Variants in ECPAS observed in about 807,000 individuals in gnomAD.
The protein encoded by ECPAS is proteasome adapter and scaffold protein ECM29.
Under a neutral mutation model 255.1 loss-of-function variants are expected in ECPAS, and 70 were observed. The ratio of observed to expected loss-of-function variants is 0.27; its 90% CI spans 0.23 to 0.33. The LOEUF (loss-of-function observed/expected upper bound fraction) is 0.33. Among genes scored for constraint, ECPAS ranks in the 10% least tolerant of loss-of-function variants. The pLI is 1.00. For synonymous variants in ECPAS, 784 were observed against 775.0 expected, an observed-to-expected ratio of 1.01 and a Z score of -0.19; for missense variants, 1,817 against 2,206.4, an observed-to-expected ratio of 0.82 and a Z score of 3.54.
At chr9:111,384,124 T>G (rs2098144093) in intron 34 of ECPAS, among the ~76,000 whole-genome samples, 1 of 152,134 alleles carries the variant, frequency 6.6e-6, no homozygotes, top group Admixed American at 6.5e-5. Context: ...GAATGTAAAG[T>G]TCCTGATATA....
intron 24 of ECPAS, among the ~76,000 whole-genome samples, chr9:111,398,077 C>T (rs575878186): frequency 6.6e-6 from 1 of 152,272 alleles, no homozygotes; most frequent in South Asian, 2.1e-4. Flanking sequence ...AGGGAATGAA[C>T]AGACAGCATG....
At position 111,422,051 on chromosome 9, in the gene ECPAS, G is replaced by T; in HGVS notation, c.1333-8C>A. 1 of 1,613,546 alleles carries T rather than the reference G, an allele frequency of 6.2e-7. No individual in the cohort carries two copies. Among genetic ancestry groups the T allele is most frequent in the Non-Finnish European group, 8.5e-7 (1 of 1,179,708 alleles). On this transcript the variant is annotated splice_region_variant and splice_polypyrimidine_tract_variant and intron_variant, in intron 14 of 49. Transcript: ENST00000684092. ...TCGAGTCTCAGGCTCTTCCTATAAA[G>T]ATGATAAAAATGTTTCCCTCCTTGT...
intron 33 of ECPAS, 142 bp downstream of exon 33, chr9:111,385,195 A>C (rs1270904737): frequency 9.0e-6 from 5 of 555,248 alleles, no homozygotes; most frequent in Non-Finnish European, 1.6e-5. Flanking sequence ...CTTCACAGAC[A>C]CATTAAGACT....
At position 111,433,346 on chromosome 9, in the gene ECPAS, T is replaced by A; in HGVS notation, c.735A>T (p.Ile245=). The A allele has an allele frequency of 6.2e-7, 1 of 1,613,982 alleles. No homozygotes were observed. Among genetic ancestry groups the A allele is most frequent in the South Asian group, 1.1e-5 (1 of 91,076 alleles). The change falls in exon 8 of 50, where the codon ATA becomes ATT. Residue 245 remains isoleucine, a synonymous_variant. Transcript: ENST00000684092. ...EQCKLGIVKF[I]EAEQVPELEA... ...CAAGTTCAGGCACCTGTTCAGCTTC[T>A]ATGAATTTCACGATTCCCAATTTGC... is the stretch of plus-strand genomic sequence containing the variant.
At chr9:111,395,301 A>T (rs1371922316) in intron 25 of ECPAS, among the ~76,000 whole-genome samples, 1 of 152,166 alleles carries the variant, frequency 6.6e-6, no homozygotes, top group East Asian at 1.9e-4. Context: ...AAGACGGCTA[A>T]GACCTGGGCC....
chr9:111,417,233 C>G (rs1463388893), intron 17 of ECPAS, among the ~76,000 whole-genome samples: 1 of 151,004 alleles, frequency 6.6e-6, no homozygotes, highest in East Asian at 1.9e-4. Flanking sequence ...GAGCAAGACC[C>G]TGTCTCAAAA....
chr9:111,412,929 GA>G (rs1412474061), intron 20 of ECPAS, among the ~76,000 whole-genome samples: 1 of 151,606 alleles, frequency 6.6e-6, no homozygotes, highest in African/African-American at 2.4e-5. Context: ...TGGAGATACA[GA>G]AAACTGTATG....
chr9:111,440,976 C>T (rs2098245017), intron 5 of ECPAS, among the ~76,000 whole-genome samples: 1 of 151,484 alleles, frequency 6.6e-6, no homozygotes, highest in Non-Finnish European at 1.5e-5. Context: ...CATGGTGAAA[C>T]CCCGTCTCTA....
At chr9:111,393,844 A>T in intron 26 of ECPAS, 110 bp from the exon 27 acceptor site, 2 of 822,132 alleles carry the variant, frequency 2.4e-6, no homozygotes, top group Non-Finnish European at 3.9e-6. Context: ...CAAGCCAGTT[A>T]CAATCGCTGT....
chr9:111,362,229 C>T (rs530164373), intron 49 of ECPAS, 60 bp from the exon 50 acceptor site: 552 of 1,393,558 alleles, frequency 4.0e-4, no homozygotes, highest in South Asian at 1.2e-3. Context: ...AAAGAAAAAA[C>T]CCCAAAGAAT....
At chr9:111,394,807 C>T (rs188434493) in intron 25 of ECPAS, among the ~76,000 whole-genome samples, 56 of 152,252 alleles carry the variant, frequency 3.7e-4, no homozygotes, top group African/African-American at 1.2e-3. Context: ...CAGTGGCACC[C>T]ACCCTCCCCA....
At chr9:111,447,635 T>A (rs529052912) in intron 3 of ECPAS, among the ~76,000 whole-genome samples, 13 of 152,306 alleles carry the variant, frequency 8.5e-5, no homozygotes, top group Admixed American at 5.2e-4. Context: ...GCTTAATATA[T>A]AACAGGCTAT....
intron 34 of ECPAS, among the ~76,000 whole-genome samples, chr9:111,383,966 G>A (rs965209314): frequency 3.7e-5 from 3 of 80,154 alleles, no homozygotes; most frequent in African/African-American, 1.7e-4. Context: ...GTTTTGAAGT[G>A]TTATCATCAT....
intron 25 of ECPAS, among the ~76,000 whole-genome samples, chr9:111,394,745 C>T (rs2098165196): frequency 6.6e-6 from 1 of 152,160 alleles, no homozygotes; most frequent in African/African-American, 2.4e-5. Flanking sequence ...CAAAGCTGTG[C>T]TATACACTGC....
chr9:111,382,061 T>G (rs999804715), intron 35 of ECPAS, among the ~76,000 whole-genome samples: 1 of 151,062 alleles, frequency 6.6e-6, no homozygotes, highest in African/African-American at 2.4e-5. Flanking sequence ...TCCTAGGCAA[T>G]GCTGTGTGTC....
chr9:111,386,236 T>A lies in ECPAS; in HGVS notation c.3527+141A>T, dbSNP rs2098148311. Reference sequence around the variant, plus strand: ...ACCTCAGCCTCCCCATGTGCTGGGATCACAGGTGTGAGCCACCACGCCCGG... The same window carrying A: ...ACCTCAGCCTCCCCATGTGCTGGGAACACAGGTGTGAGCCACCACGCCCGG... On this transcript the variant is annotated intron_variant, in intron 32 of 49. Transcript: ENST00000684092. 7.6e-6 allele frequency: 5 copies of A among 657,106 alleles called. No individual in the cohort carries two copies. The East Asian group carries it at 1.4e-4, about 18-fold the overall frequency. The allele number at this position is 657,106 out of a possible 1,614,324, so 40.7% of individuals were successfully genotyped here.
At chr9:111,445,092 T>C (rs890407425) in intron 3 of ECPAS, among the ~76,000 whole-genome samples, 13 of 148,788 alleles carry the variant, frequency 8.7e-5, no homozygotes, top group East Asian at 2.0e-4. Flanking sequence ...GCCTTCTGAG[T>C]TCAAGCAATC....
intron 21 of ECPAS, chr9:111,411,524 A>G (rs1252287311): frequency 2.1e-5 from 4 of 186,296 alleles, no homozygotes; most frequent in Non-Finnish European, 4.4e-5. Context: ...ATTGCCAACA[A>G]AAGACAATAA....
intron 7 of ECPAS, 40 bp from the exon 8 acceptor site, chr9:111,433,412 G>C: frequency 6.2e-7 from 1 of 1,611,110 alleles, no homozygotes; most frequent in Non-Finnish European, 8.5e-7. Context: ...ACAGTCAGGG[G>C]AGCAAAGGAC....
Sources: allele counts gnomAD v4.1 joint callset (sites outside exome capture counted in the v4.1 genomes callset), GRCh38; gene constraint gnomAD v4.1.1; transcripts MANE v1.5; gene names NCBI Gene and HGNC (gene_info 2026-07-23, HGNC 2026-07-21).